Variants in LRRC9 observed in about 807,000 individuals in gnomAD.
LRRC9 encodes leucine-rich repeat-containing protein 9.
A neutral mutation model predicts 63.2 loss-of-function variants in LRRC9; 122 were observed. The observed-to-expected ratio is 1.93, with a 90% CI of 1.67 to 2.24. LRRC9 has a LOEUF of 2.24. Among genes scored for constraint, LRRC9 ranks in the 30% most tolerant of loss-of-function variants. The probability of loss-of-function intolerance (pLI) is 0.00; values close to 1 mark genes in which losing one functional copy is unlikely to be tolerated. For missense variants in LRRC9, 1,071 were observed against 627.7 expected (o/e 1.71, Z -7.55); for synonymous variants, 366 against 213.1 (o/e 1.72, Z -6.25).
At chr14:60,028,914 A>G (rs1891766771) in intron 28 of LRRC9, among the ~76,000 whole-genome samples, 1 of 152,166 alleles carries the variant, frequency 6.6e-6, no homozygotes, top group African/African-American at 2.4e-5. Context: ...TGTTTGCTAT[A>G]GAGTTCAGGA....
chr14:60,027,300 TATC>T lies in LRRC9; in HGVS notation c.3704-581_3704-579del, dbSNP rs1435396303. Among the ~76,000 whole-genome samples, 1 of 151,962 alleles carries T rather than the reference TATC, an allele frequency of 6.6e-6. No homozygotes were observed. The highest frequency in any genetic ancestry group is 1.5e-5 in the Non-Finnish European group (1 of 67,936). ...TAAATTGGAGAGTCTTCATATAAGT[TATC>T]ATTAATATTTATATAGCTATTGATA... On this transcript the variant is annotated intron_variant, in intron 27 of 31. Coordinates refer to ENST00000445360, the Ensembl canonical transcript of LRRC9. This position sits in a 1 kb window ranked among gnomAD's most constrained non-coding sequence, Gnocchi z 4.0.
intron 30 of LRRC9, among the ~76,000 whole-genome samples, chr14:60,055,619 T>C (rs1407145866): frequency 6.6e-6 from 1 of 151,904 alleles, no homozygotes; most frequent in Admixed American, 6.6e-5. Flanking sequence ...GGGGCCAGGC[T>C]TGGCGGCTTA....
At chr14:59,972,051 A>AT (rs1885568362) in intron 12 of LRRC9, among the ~76,000 whole-genome samples, 1 of 152,084 alleles carries the variant, frequency 6.6e-6, no homozygotes, top group Admixed American at 6.6e-5. Flanking sequence ...AACCCTCACA[A>AT]TCTATCTTCA....
chr14:60,042,206 C>T lies in LRRC9; in HGVS notation c.3990+10143C>T, dbSNP rs544197730. Among the ~76,000 whole-genome samples the T allele has an allele frequency of 6.6e-6, 1 of 152,330 alleles. No homozygotes were observed. The highest frequency in any genetic ancestry group is 1.5e-5 in the Non-Finnish European group (1 of 68,022). On this transcript the variant is annotated intron_variant, in intron 29 of 31. Coordinates refer to ENST00000445360, the Ensembl canonical transcript of LRRC9. This position sits in a 1 kb window ranked among gnomAD's most constrained non-coding sequence, Gnocchi z 4.2. Reference sequence around the variant, plus strand: ...AGGCTACTTGGGGGTCAGGGACCCACTTGAGGAGGCAGTCTGTCCGTTCTC... The same window carrying T: ...AGGCTACTTGGGGGTCAGGGACCCATTTGAGGAGGCAGTCTGTCCGTTCTC...
downstream of LRRC9, among the ~76,000 whole-genome samples, chr14:60,064,121 G>A (rs537625321): frequency 1.6e-4 from 25 of 152,268 alleles, no homozygotes; most frequent in Non-Finnish European, 2.6e-4. Context: ...AAGAGAACAT[G>A]TATTCAAACT....
In LRRC9 at chr14:60,003,508, T is replaced by C; in HGVS notation, c.2665-113T>C. ...ATATCTTTAGCTCCTGAAGGAATTC[T>C]TTTGATATCTATTTATCACATTTGA... On this transcript the variant is annotated intron_variant, in intron 20 of 31. Transcript: ENST00000445360. The surrounding 1 kb of genome is among the most constrained non-coding windows in gnomAD (Gnocchi z 4.2). 1 of 547,840 alleles carries C rather than the reference T, an allele frequency of 1.8e-6. No individual in the cohort carries two copies. Among genetic ancestry groups the C allele is most frequent in the Non-Finnish European group, 3.2e-6 (1 of 313,052 alleles). 33.9% of individuals were successfully genotyped at this position (547,840 alleles called of 1,614,324 possible). A position where few individuals can be genotyped will look rare whatever the true frequency, so the allele number is the denominator to read the frequency against.
intron 30 of LRRC9, among the ~76,000 whole-genome samples, chr14:60,055,738 AAAAAAAAAC>A (rs1294412627): frequency 6.7e-6 from 1 of 148,916 alleles, no homozygotes; most frequent in Non-Finnish European, 1.5e-5. Context: ...ATTTAAAAAA[AAAAAAAAAC>A]AAAAAAAACT....
intron 13 of LRRC9, 116 bp downstream of exon 13, chr14:59,974,824 C>T: frequency 2.1e-6 from 1 of 477,990 alleles, no homozygotes. Flanking sequence ...TTCTTCAAAC[C>T]ATTTTATTTC....
intron 31 of LRRC9, among the ~76,000 whole-genome samples, chr14:60,059,756 G>A (rs1894535076): frequency 6.6e-6 from 1 of 152,178 alleles, no homozygotes; most frequent in South Asian, 2.1e-4. Flanking sequence ...GCTTTATGAG[G>A]TTTAAGGAAA....
intron 17 of LRRC9, among the ~76,000 whole-genome samples, chr14:59,997,139 CATTT>C (rs920914854): frequency 6.6e-6 from 1 of 151,790 alleles, no homozygotes; most frequent in Non-Finnish European, 1.5e-5. Context: ...TTTTTCTTTT[CATTT>C]ATTTGCTATA....
At chr14:59,945,990 G>T (rs1411206093) in intron 8 of LRRC9, among the ~76,000 whole-genome samples, 1 of 151,354 alleles carries the variant, frequency 6.6e-6, no homozygotes, top group East Asian at 1.9e-4. Context: ...TGTAACTTTG[G>T]TCATATGTAT....
At chr14:59,960,843 AT>A (rs1884276099) in intron 9 of LRRC9, 70 bp from the exon 10 acceptor site, 10 of 483,324 alleles carry the variant, frequency 2.1e-5, no homozygotes, top group African/African-American at 6.0e-5. Context: ...GTTAAAAAAA[AT>A]CTATCATAAG....
intron 8 of LRRC9, among the ~76,000 whole-genome samples, chr14:59,954,056 T>A (rs954893054): frequency 3.3e-5 from 5 of 152,216 alleles, no homozygotes; most frequent in Non-Finnish European, 7.3e-5. Context: ...CTGTTCTGGT[T>A]ACTGTAGCCT....
chr14:59,963,934 T>A (rs1486159628), intron 10 of LRRC9, among the ~76,000 whole-genome samples: 1 of 152,216 alleles, frequency 6.6e-6, no homozygotes, highest in East Asian at 1.9e-4. Context: ...TAGCCTACAT[T>A]TGCTAAATGA....
In LRRC9 at chr14:59,962,455, G is replaced by A. The variant is rs1884444933; in HGVS notation, c.1211+1410G>A. ...GTCTCGCTGTGTCCCCGAGACTGGA[G>A]TGCAGTGGCCCGATCTCAGCTCGCT... On this transcript the variant is annotated intron_variant, in intron 10 of 31. Coordinates refer to ENST00000445360, the Ensembl canonical transcript of LRRC9. This position sits in a 1 kb window ranked among gnomAD's most constrained non-coding sequence, Gnocchi z 5.1. Among the ~76,000 whole-genome samples, 1 of 151,726 alleles carries A rather than the reference G, an allele frequency of 6.6e-6. No individual in the cohort carries two copies. The highest frequency in any genetic ancestry group is 2.1e-4 in the South Asian group (1 of 4,810).
chr14:59,997,622 C>A (rs748632679), intron 17 of LRRC9, 34 bp from the exon 18 acceptor site: 59 of 638,898 alleles, frequency 9.2e-5, no homozygotes, highest in Admixed American at 1.5e-4. Flanking sequence ...AATTATGATT[C>A]TCTTAGCATC....
At chr14:60,016,311 C>T (rs1398043124) in intron 23 of LRRC9, among the ~76,000 whole-genome samples, 1 of 152,084 alleles carries the variant, frequency 6.6e-6, no homozygotes, top group Non-Finnish European at 1.5e-5. Flanking sequence ...TCAAGACATC[C>T]TCTGGCCTCA....
At chr14:60,059,581 C>G (rs1051417343) in intron 31 of LRRC9, among the ~76,000 whole-genome samples, 16 of 152,158 alleles carry the variant, frequency 1.1e-4, no homozygotes, top group African/African-American at 3.1e-4. Flanking sequence ...GAAATTGAAA[C>G]AATCTTATTG....
Position 59,966,795 on chromosome 14 carries a change from T to C in LRRC9, c.1388+30T>C, listed in dbSNP as rs1222526407. 3.5e-6 allele frequency: 2 copies of C among 572,156 alleles called. No individual in the cohort carries two copies. The highest frequency in any genetic ancestry group is 6.3e-6 in the Non-Finnish European group (2 of 318,386). The allele number at this position is 572,156 out of a possible 1,614,324, so 35.4% of individuals were successfully genotyped here. On this transcript the variant is annotated intron_variant, in intron 11 of 31. Transcript: ENST00000445360. This position sits in a 1 kb window ranked among gnomAD's most constrained non-coding sequence, Gnocchi z 4.0. ...GAAGCTGAATTCTTTATGGAACAAC[T>C]TTACAAAAGTGTGACTGTATTTGTA...
Sources: gnomAD v4.1 joint callset for allele counts (sites outside exome capture counted in the v4.1 genomes callset) on GRCh38, gnomAD v4.1.1 for gene constraint, Gnocchi (gnomAD v3.1) non-coding constraint, MANE v1.5 for transcripts, NCBI Gene and HGNC (gene_info 2026-07-23, HGNC 2026-07-21) for gene names.